The following MIR2052HG variants were observed in gnomAD, a reference collection of about 807,000 sequenced individuals.
The protein encoded by MIR2052HG is MIR2052 host gene.
intron 1 of MIR2052HG, among the ~76,000 whole-genome samples, chr8:74,601,248 G>A (rs1009193525): frequency 1.3e-5 from 2 of 152,152 alleles, no homozygotes; most frequent in African/African-American, 4.8e-5. Flanking sequence ...AATCATTCAA[G>A]CTTTATCAAA....
At chr8:74,638,632 A>G (rs1393522538) in intron 2 of MIR2052HG, among the ~76,000 whole-genome samples, 1 of 152,178 alleles carries the variant, frequency 6.6e-6, no homozygotes, top group African/African-American at 2.4e-5. Flanking sequence ...GATGACACCA[A>G]TATTTCAGGT....
At chr8:74,689,169 C>T (rs1809214027) in intron 2 of MIR2052HG, among the ~76,000 whole-genome samples, 1 of 152,004 alleles carries the variant, frequency 6.6e-6, no homozygotes, top group South Asian at 2.1e-4. Context: ...GTGATATGTG[C>T]TTGGGATGTC....
At chr8:74,604,679 C>T (rs1459259634) in intron 1 of MIR2052HG, among the ~76,000 whole-genome samples, 1 of 146,630 alleles carries the variant, frequency 6.8e-6, no homozygotes, top group Non-Finnish European at 1.5e-5. Flanking sequence ...CTGCAACTTC[C>T]GTCTCCCAGA....
chr8:74,707,774 G>A (rs1809426156), intron 4 of MIR2052HG, among the ~76,000 whole-genome samples: 1 of 152,120 alleles, frequency 6.6e-6, no homozygotes, highest in Admixed American at 6.6e-5. Flanking sequence ...ACCAGAGAAA[G>A]AATGGACAAT....
intron 1 of MIR2052HG, among the ~76,000 whole-genome samples, chr8:74,602,853 C>CTTTCTTTCTTTCTTTCT (rs1586883729): frequency 1.1e-4 from 16 of 143,912 alleles, no homozygotes; most frequent in East Asian, 1.0e-3. Context: ...TTCTTTCTTT[C>CTTTCTTTCTTTCTTTCT]TTTCTTTCTT....
At chr8:74,719,882 T>C (rs1809558270) in intron 4 of MIR2052HG, among the ~76,000 whole-genome samples, 1 of 141,754 alleles carries the variant, frequency 7.1e-6, no homozygotes, top group Non-Finnish European at 1.5e-5. Context: ...GGAGTCTTGC[T>C]CTGTCGCCAG....
At chr8:74,673,134 G>T (rs529482100) in intron 2 of MIR2052HG, among the ~76,000 whole-genome samples, 1 of 152,140 alleles carries the variant, frequency 6.6e-6, no homozygotes, top group East Asian at 1.9e-4. Context: ...CCAGCTGTTT[G>T]GACAGTTACG....
intron 2 of MIR2052HG, among the ~76,000 whole-genome samples, chr8:74,694,979 C>T (rs1302878566): frequency 6.6e-6 from 1 of 152,098 alleles, no homozygotes; most frequent in Non-Finnish European, 1.5e-5. Context: ...CAAAGAACAC[C>T]TGGGAAGTTC....
intron 1 of MIR2052HG, among the ~76,000 whole-genome samples, chr8:74,602,859 T>TTCTTTCTTTCTTTCTTTCTTTC (rs1296043651): frequency 2.7e-5 from 4 of 145,776 alleles, no homozygotes; most frequent in African/African-American, 5.2e-5. Context: ...CTTTCTTTCT[T>TTCTTTCTTTCTTTCTTTCTTTC]TCTTTCTTTC....
At chr8:74,636,119 G>T (rs748139945) in intron 2 of MIR2052HG, among the ~76,000 whole-genome samples, 3 of 152,040 alleles carry the variant, frequency 2.0e-5, no homozygotes, top group Non-Finnish European at 4.4e-5. Context: ...CACCATTTTA[G>T]AACTTAGTAA....
chr8:74,648,367 G>C (rs1357920273), intron 2 of MIR2052HG, among the ~76,000 whole-genome samples: 5 of 152,156 alleles, frequency 3.3e-5, no homozygotes, highest in African/African-American at 1.2e-4. Flanking sequence ...TAGTCAGAAT[G>C]GTTGTCTGCT....
chr8:74,623,504 A>G (rs1291072066), intron 2 of MIR2052HG, among the ~76,000 whole-genome samples: 2 of 152,248 alleles, frequency 1.3e-5, no homozygotes, highest in African/African-American at 2.4e-5. Flanking sequence ...GAACTTAAAG[A>G]TCATGATAAA....
At chr8:74,611,752 C>A (rs1364960065) in intron 1 of MIR2052HG, among the ~76,000 whole-genome samples, 2 of 152,116 alleles carry the variant, frequency 1.3e-5, no homozygotes, top group Non-Finnish European at 2.9e-5. Flanking sequence ...AGCTTTATGG[C>A]TCCTCATGTA....
At chr8:74,675,533 T>A (rs10957736) in intron 2 of MIR2052HG, among the ~76,000 whole-genome samples, 1 of 151,898 alleles carries the variant, frequency 6.6e-6, no homozygotes, top group East Asian at 1.9e-4. Flanking sequence ...AACCAATCCC[T>A]GAAGATACCA....
chr8:74,746,137 TTCTC>T (rs1401026772), intron 4 of MIR2052HG, among the ~76,000 whole-genome samples: 2 of 152,146 alleles, frequency 1.3e-5, no homozygotes, highest in Non-Finnish European at 2.9e-5. Context: ...ATGAGATAGA[TTCTC>T]TCAATCACTC....
At position 74,631,970 on chromosome 8, in the gene MIR2052HG, C is replaced by G. The variant is rs191329025; in HGVS notation, n.216+19030C>G. Among the ~76,000 whole-genome samples, 355 of 152,278 alleles carry G rather than the reference C, an allele frequency of 2.3e-3. 3 individuals are homozygous for G. The highest frequency in any genetic ancestry group is 0.017 in the Middle Eastern group (5 of 294). ...TCCCCAAAGATCCCACCTCTTAACACTATTGCATTAAGGGTTCAGTTTCAA... is the reference window on the plus strand; with the variant it reads ...TCCCCAAAGATCCCACCTCTTAACAGTATTGCATTAAGGGTTCAGTTTCAA... On this transcript the variant is annotated intron_variant and non_coding_transcript_variant, in intron 2 of 6. Transcript: ENST00000523442.
chr8:74,608,050 G>A (rs1168408817), intron 1 of MIR2052HG, among the ~76,000 whole-genome samples: 2 of 152,206 alleles, frequency 1.3e-5, no homozygotes, highest in Non-Finnish European at 2.9e-5. Flanking sequence ...AGGTGGGAGA[G>A]AATTTTGCAT....
At chr8:74,699,820 A>G (rs1201643454) in intron 2 of MIR2052HG, among the ~76,000 whole-genome samples, 2 of 152,156 alleles carry the variant, frequency 1.3e-5, no homozygotes, top group Non-Finnish European at 2.9e-5. Flanking sequence ...AATGGTTTCT[A>G]TATGGTAAAA....
chr8:74,616,535 ACT>A (rs1474016169), intron 2 of MIR2052HG, among the ~76,000 whole-genome samples: 1 of 150,828 alleles, frequency 6.6e-6, no homozygotes, highest in Non-Finnish European at 1.5e-5. Context: ...CTGTCCCTAT[ACT>A]CTGAGGACGT....
Sources: allele counts gnomAD v4.1 joint callset (sites outside exome capture counted in the v4.1 genomes callset), GRCh38; gene constraint gnomAD v4.1.1; transcripts MANE v1.5; gene names NCBI Gene and HGNC (gene_info 2026-07-23, HGNC 2026-07-21).